CFAP221: variants seen among roughly 807,000 people sequenced by gnomAD.
CFAP221 encodes the protein cilia and flagella associated protein 221.
CFAP221 carries 97 observed loss-of-function variants against 113.1 expected under a neutral mutation model. That is an observed-to-expected ratio of 0.86 (90% CI 0.73 to 1.02). The LOEUF (loss-of-function observed/expected upper bound fraction) is 1.02, where lower values mean the gene tolerates loss of function less well. CFAP221 is among the 50% of genes least tolerant of loss of function. The pLI is 0.00. For missense variants in CFAP221, 1,025 were observed against 1,013.4 expected (o/e 1.01, Z -0.16); for synonymous variants, 331 against 354.4 (o/e 0.93, Z 0.74).
chr2:119,587,075 A>G (rs1306156514), intron 6 of CFAP221, 44 bp from the exon 7 acceptor site: 1 of 1,388,740 alleles, frequency 7.2e-7, no homozygotes, highest in Non-Finnish European at 9.6e-7. Flanking sequence ...AACCAGTTAT[A>G]AAGAAAAATA....
rs182465706 is a variant in CFAP221 at position 119,569,203 on chromosome 2, G to A, written c.527+7089G>A. 6.6e-4 allele frequency among the ~76,000 whole-genome samples: 100 copies of A among 151,670 alleles called. 1 individual carries two copies. Among genetic ancestry groups the A allele is most frequent in the Admixed American group, 6.4e-3 (97 of 15,214 alleles). On this transcript the variant is annotated intron_variant, in intron 6 of 23. Coordinates refer to ENST00000413369, the MANE Select transcript of CFAP221 (RefSeq NM_001271049.2). ...GGCTGGAGTGCAGTGGCACAATCTC[G>A]GCTCATTGCAACCTCTGTCTCCTGG...
chr2:119,610,809 A>G (rs2104697327), intron 12 of CFAP221, among the ~76,000 whole-genome samples: 1 of 152,318 alleles, frequency 6.6e-6, no homozygotes, highest in South Asian at 2.1e-4. Context: ...CTGGTTTTTG[A>G]AGTTACCCAA....
intron 21 of CFAP221, among the ~76,000 whole-genome samples, chr2:119,640,968 A>G (rs1687451738): frequency 6.6e-6 from 1 of 152,172 alleles, no homozygotes; most frequent in Admixed American, 6.5e-5. Context: ...TAATTTTAGT[A>G]AGAGTACAAG....
At chr2:119,613,062 G>T (rs993455268) in intron 13 of CFAP221, among the ~76,000 whole-genome samples, 5 of 152,348 alleles carry the variant, frequency 3.3e-5, no homozygotes, top group East Asian at 1.9e-4. Flanking sequence ...CAATAGGGCA[G>T]TCATTAAACC....
chr2:119,639,156 C>A (rs1313625920), intron 20 of CFAP221, among the ~76,000 whole-genome samples: 1 of 152,192 alleles, frequency 6.6e-6, no homozygotes, highest in African/African-American at 2.4e-5. Flanking sequence ...TGGCCCACTG[C>A]TGCTGCAGTC....
intron 6 of CFAP221, among the ~76,000 whole-genome samples, chr2:119,578,242 A>T (rs974374196): frequency 9.2e-5 from 14 of 152,222 alleles, no homozygotes; most frequent in Non-Finnish European, 1.8e-4. Context: ...ACTGTATTCT[A>T]TTAGTTAAGT....
In CFAP221 at chr2:119,592,464, C is replaced by T. The variant is rs117815589; in HGVS notation, c.631+5242C>T. Reference sequence around the variant, plus strand: ...TTTCTCCCTCCCCTCTTAGAACTCCCGGCTTTGTCGTACCCTTCTATGTTG... The same window carrying T: ...TTTCTCCCTCCCCTCTTAGAACTCCTGGCTTTGTCGTACCCTTCTATGTTG... On this transcript the variant is annotated intron_variant, in intron 7 of 23. Transcript: ENST00000413369. 5.2e-4 allele frequency among the ~76,000 whole-genome samples: 79 copies of T among 152,306 alleles called. 1 individual carries two copies. In the East Asian group the frequency reaches 0.013, roughly 25 times the overall value.
At chr2:119,583,939 G>A (rs1395326198) in intron 6 of CFAP221, among the ~76,000 whole-genome samples, 1 of 152,194 alleles carries the variant, frequency 6.6e-6, no homozygotes, top group Non-Finnish European at 1.5e-5. Context: ...CTCCAGAACT[G>A]TGAGGAATAA....
At chr2:119,587,908 A>T (rs1403330827) in intron 7 of CFAP221, among the ~76,000 whole-genome samples, 1 of 152,218 alleles carries the variant, frequency 6.6e-6, no homozygotes, top group Non-Finnish European at 1.5e-5. Flanking sequence ...TAAAGCAGAA[A>T]CTGTGAATTA....
chr2:119,597,588 G>A (rs1051900483), intron 7 of CFAP221, among the ~76,000 whole-genome samples: 5 of 152,094 alleles, frequency 3.3e-5, no homozygotes, highest in Admixed American at 2.0e-4. Flanking sequence ...GGTTCTTGGC[G>A]TTTTGAACAA....
At chr2:119,567,218 A>G (rs58195211) in intron 6 of CFAP221, among the ~76,000 whole-genome samples, 19,954 of 152,142 alleles carry the variant, frequency 0.13, 1,327 homozygotes, top group Middle Eastern at 0.18. Context: ...TATGTCCACC[A>G]TTGTAGTATC....
chr2:119,637,508 C>A (rs1350147326), intron 19 of CFAP221, among the ~76,000 whole-genome samples: 1 of 152,160 alleles, frequency 6.6e-6, no homozygotes, highest in Non-Finnish European at 1.5e-5. Context: ...GACAAACAAA[C>A]AACAGAATCT....
intron 3 of CFAP221, 134 bp downstream of exon 3, chr2:119,549,319 T>G: frequency 1.5e-6 from 1 of 676,696 alleles, no homozygotes; most frequent in East Asian, 3.0e-5. Flanking sequence ...AGAAAGGTAG[T>G]TCTATGATGA....
intron 7 of CFAP221, among the ~76,000 whole-genome samples, chr2:119,594,288 T>C (rs1574082167): frequency 1.3e-5 from 2 of 151,740 alleles, no homozygotes; most frequent in Admixed American, 6.6e-5. Flanking sequence ...CAGGCTGGAG[T>C]GCAGTGGCAT....
At chr2:119,630,520 A>G in intron 17 of CFAP221, 50 bp from the exon 18 acceptor site, 1 of 1,428,762 alleles carries the variant, frequency 7.0e-7, no homozygotes, top group Non-Finnish European at 9.8e-7. Flanking sequence ...AGTAGATCCC[A>G]CCAAATGGTA....
intron 13 of CFAP221, 52 bp downstream of exon 13, chr2:119,611,794 C>A: frequency 1.5e-6 from 2 of 1,366,238 alleles, no homozygotes; most frequent in Non-Finnish European, 2.1e-6. Flanking sequence ...TCTTTAAATG[C>A]TTATTTTTTT....
At chr2:119,609,502 A>C (rs755779899) in intron 12 of CFAP221, among the ~76,000 whole-genome samples, 73 of 152,112 alleles carry the variant, frequency 4.8e-4, no homozygotes, top group South Asian at 1.0e-3. Context: ...TCCTTGGCTT[A>C]TTGGTGGCCA....
Position 119,653,670 on chromosome 2 carries a change from AT to A in CFAP221, c.2414+1602del, listed in dbSNP as rs1688261702. 2.0e-5 allele frequency among the ~76,000 whole-genome samples: 3 copies of A among 152,284 alleles called. No homozygotes were observed. The South Asian group carries it at 6.2e-4, about 32-fold the overall frequency. ...AAACTTATCAGACTGTTTTCTTAGGATAAATTCTAGATCAATGCGCATTTTA... is the reference window on the plus strand; with the variant it reads ...AAACTTATCAGACTGTTTTCTTAGGAAAATTCTAGATCAATGCGCATTTTA... On this transcript the variant is annotated intron_variant, in intron 23 of 23. Transcript: ENST00000413369.
chr2:119,558,254 G>C (rs1680968084), intron 3 of CFAP221, among the ~76,000 whole-genome samples: 1 of 152,102 alleles, frequency 6.6e-6, no homozygotes. Flanking sequence ...GGCGGGCCCT[G>C]TCATCCCAGG....
Sources: gnomAD v4.1 joint callset for allele counts (sites outside exome capture counted in the v4.1 genomes callset) on GRCh38, gnomAD v4.1.1 for gene constraint, MANE v1.5 for transcripts, NCBI Gene and HGNC (gene_info 2026-07-23, HGNC 2026-07-21) for gene names.